KCNK17: variants seen among roughly 807,000 people sequenced by gnomAD.
The protein encoded by KCNK17 is potassium channel subfamily K member 17.
A neutral mutation model predicts 24.6 loss-of-function variants in KCNK17; 27 were observed. The observed-to-expected ratio is 1.10, with a 90% CI of 0.81 to 1.51. The LOEUF is 1.51. Ranked by LOEUF, KCNK17 falls within the 40% of genes most tolerant of loss-of-function variation. The probability of loss-of-function intolerance (pLI) is 0.00; values close to 1 mark genes in which losing one functional copy is unlikely to be tolerated. For missense variants in KCNK17, 450 were observed against 436.6 expected (o/e 1.03, Z -0.27); for synonymous variants, 181 against 189.8 (o/e 0.95, Z 0.38).
rs756289202 is a variant in KCNK17, at chr6:39,303,935, CCCAA to C, written c.688+18_688+21del. On this transcript the variant is annotated intron_variant, in intron 4 of 4. Transcript: ENST00000373231. Reference sequence around the variant, plus strand: ...ATAGGCAGCCGAATGTCCCCGCCAGCCCAACCGCCAGGAACTCTCACCAATCACG... The same window carrying C: ...ATAGGCAGCCGAATGTCCCCGCCAGCCCGCCAGGAACTCTCACCAATCACG... 8.1e-6 allele frequency: 13 copies of C among 1,607,252 alleles called. No individual in the cohort carries two copies. In the African/African-American group the frequency reaches 1.3e-4, roughly 16 times the overall value.
chr6:39,299,120 C>T lies in KCNK17; in HGVS notation c.*307G>A, dbSNP rs1209926923. The T allele has an allele frequency of 5.2e-6, 2 of 384,064 alleles. No individual in the cohort carries two copies. The highest frequency in any genetic ancestry group is 1.0e-4 in the East Asian group (2 of 19,528). 23.8% of individuals were successfully genotyped at this position (384,064 alleles called of 1,614,324 possible). A position where few individuals can be genotyped will look rare whatever the true frequency, so the allele number is the denominator to read the frequency against. On this transcript the variant is annotated 3_prime_UTR_variant, in exon 5 of 5. Transcript: ENST00000373231. ...AGACTCTTCCTATCTTATTGTGCCG[C>T]TCAAACATTGCCGCTACTTCATGGT...
At chr6:39,304,278 T>C (rs1397044240) in intron 3 of KCNK17, 147 bp from the exon 4 acceptor site, 9 of 835,204 alleles carry the variant, frequency 1.1e-5, no homozygotes, top group Admixed American at 1.0e-4. Flanking sequence ...GCCTGGAGCC[T>C]GTGCCTCATG....
intron 1 of KCNK17, 89 bp downstream of exon 1, chr6:39,313,995 C>T: frequency 9.8e-7 from 1 of 1,021,798 alleles, no homozygotes. Context: ...TGACCAGGGC[C>T]TGAATAGGCC....
chr6:39,311,507 T>C (rs1249879452), intron 1 of KCNK17, among the ~76,000 whole-genome samples: 1 of 152,194 alleles, frequency 6.6e-6, no homozygotes, highest in Non-Finnish European at 1.5e-5. Flanking sequence ...CTGGGCAAGG[T>C]GCTCAACTTC....
intron 4 of KCNK17, 119 bp from the exon 5 acceptor site, chr6:39,299,856 G>C: frequency 9.8e-7 from 1 of 1,021,844 alleles, no homozygotes; most frequent in South Asian, 1.6e-5. Context: ...CAATGGGACA[G>C]AACATGGAGA....
chr6:39,306,074 C>T (rs1310244226), intron 2 of KCNK17, among the ~76,000 whole-genome samples: 2 of 138,730 alleles, frequency 1.4e-5, no homozygotes, highest in African/African-American at 5.3e-5. Context: ...GACGTAGTTT[C>T]GCTCTCTTGC....
intron 4 of KCNK17, chr6:39,300,288 AT>A: frequency 8.4e-6 from 5 of 593,784 alleles, no homozygotes; most frequent in Admixed American, 5.3e-5. Context: ...ACGCCCGGCT[AT>A]TTTTTTGTAT....
chr6:39,300,615 T>C (rs958742027), intron 4 of KCNK17: 58 of 1,310,430 alleles, frequency 4.4e-5, no homozygotes, highest in Non-Finnish European at 6.0e-5. Context: ...CTCCTTCACC[T>C]GTGAGATGGG....
chr6:39,305,907 C>T (rs527349322), intron 2 of KCNK17, among the ~76,000 whole-genome samples: 2 of 152,312 alleles, frequency 1.3e-5, no homozygotes, highest in South Asian at 4.1e-4. Context: ...GTCCTCGACT[C>T]TCCAGTGCAG....
At chr6:39,302,071 T>A (rs9462521) in intron 4 of KCNK17, among the ~76,000 whole-genome samples, 2 of 152,182 alleles carry the variant, frequency 1.3e-5, no homozygotes, top group Non-Finnish European at 2.9e-5. Context: ...TCCATCTGTA[T>A]AAGGAAGATC....
In KCNK17 at chr6:39,305,314, C is replaced by A. The variant is rs925359829; in HGVS notation, c.353-659G>T. On this transcript the variant is annotated intron_variant, in intron 2 of 4. Coordinates refer to ENST00000373231, the MANE Select transcript of KCNK17 (RefSeq NM_031460.4). The stretch of plus-strand genomic sequence containing the variant: ...CAGTCTGAGGCTTTTGACATTAATT[C>A]CTGCTCCTTCTCTTTTATCCTTCAA... 6.6e-5 allele frequency among the ~76,000 whole-genome samples: 10 copies of A among 152,356 alleles called. No individual in the cohort carries two copies. The South Asian group carries it at 1.7e-3, about 25-fold the overall frequency.
intron 2 of KCNK17, among the ~76,000 whole-genome samples, chr6:39,307,208 T>C (rs1762052960): frequency 6.6e-6 from 1 of 152,086 alleles, no homozygotes; most frequent in African/African-American, 2.4e-5. Flanking sequence ...GGAATGGAGG[T>C]ACACTGTAGA....
intron 2 of KCNK17, among the ~76,000 whole-genome samples, chr6:39,306,538 T>C (rs57511395): frequency 0.017 from 2,598 of 152,310 alleles, 82 homozygotes; most frequent in African/African-American, 0.059. Flanking sequence ...ACATTCTTGC[T>C]TGCCCAGATG....
intron 2 of KCNK17, 45 bp downstream of exon 2, chr6:39,310,848 C>T (rs1371276839): frequency 7.6e-7 from 1 of 1,310,178 alleles, no homozygotes; most frequent in Non-Finnish European, 1.1e-6. Flanking sequence ...CAGGGAGCTG[C>T]CTCCTTCCCC....
chr6:39,311,117 CACAAACAA>C (rs928193318), intron 1 of KCNK17, 110 bp from the exon 2 acceptor site: 3 of 534,866 alleles, frequency 5.6e-6, no homozygotes, highest in African/African-American at 5.4e-5. Context: ...CACACACACA[CACAAACAA>C]ACCTACACAC....
At position 39,299,615 on chromosome 6, in the gene KCNK17, C is replaced by T. The variant is rs1761915694; in HGVS notation, c.811G>A (p.Gly271Arg). 3.7e-6 allele frequency: 6 copies of T among 1,614,064 alleles called. No individual in the cohort carries two copies. The highest frequency in any genetic ancestry group is 5.1e-6 in the Non-Finnish European group (6 of 1,180,046). Reference protein sequence around the residue: ...KLILSQLETPGRVCSCCHHSS... With the variant: ...KLILSQLETPRRVCSCCHHSS... ...TGGTGGCAGCAGGAACATACCCTCC[C>T]TGGCGTCTCCAGCTGGGAGAGGATG... Residue 271 changes from glycine (G) to arginine (R), a missense_variant, in exon 5 of 5, where the codon GGG (glycine) becomes AGG (arginine). Physicochemically the swap from Gly to Arg is moderately radical, Grantham distance 125. Coordinates refer to ENST00000373231, the MANE Select transcript of KCNK17 (RefSeq NM_031460.4).
intron 2 of KCNK17, among the ~76,000 whole-genome samples, chr6:39,308,257 T>G (rs142502263): frequency 3.8e-4 from 58 of 152,342 alleles, no homozygotes; most frequent in Middle Eastern, 6.8e-3. Flanking sequence ...CATATGTATG[T>G]GTACATACAC....
intron 4 of KCNK17, among the ~76,000 whole-genome samples, chr6:39,301,785 G>A (rs1761955717): frequency 6.6e-6 from 1 of 152,246 alleles, no homozygotes; most frequent in Non-Finnish European, 1.5e-5. Flanking sequence ...TTCAGGCAGA[G>A]GAGTGGCTGT....
chr6:39,308,878 T>G (rs1366446126), intron 2 of KCNK17, among the ~76,000 whole-genome samples: 3 of 152,164 alleles, frequency 2.0e-5, no homozygotes, highest in Non-Finnish European at 2.9e-5. Context: ...TCCAAATACC[T>G]CCCATGTGTA....
Sources: allele counts gnomAD v4.1 joint callset (sites outside exome capture counted in the v4.1 genomes callset), GRCh38; gene constraint gnomAD v4.1.1; transcripts MANE v1.5; gene names NCBI Gene and HGNC (gene_info 2026-07-23, HGNC 2026-07-21).